ZMYM2: variants seen among roughly 807,000 people sequenced by gnomAD.
ZMYM2 encodes zinc finger MYM-type protein 2.
ZMYM2 carries 56 observed loss-of-function variants against 162.8 expected under a neutral mutation model. That is an observed-to-expected ratio of 0.34 (90% CI 0.28 to 0.43). ZMYM2 has a LOEUF of 0.43. Among genes scored for constraint, ZMYM2 ranks in the 20% least tolerant of loss-of-function variants. ZMYM2 has a pLI of 1.00. For missense variants in ZMYM2, 1,275 were observed against 1,621.8 expected (o/e 0.79, Z 3.67); for synonymous variants, 510 against 541.6 (o/e 0.94, Z 0.81).
At position 20,058,874 on chromosome 13, in the gene ZMYM2, C is replaced by A. The variant is rs148958586; in HGVS notation, c.2623+170C>A. The A allele has an allele frequency of 2.1e-3, 1,806 of 842,032 alleles. 16 individuals are homozygous for A. The highest frequency in any genetic ancestry group is 0.02 in the African/African-American group (1,223 of 60,370). 52.2% of individuals were successfully genotyped at this position (842,032 alleles called of 1,614,324 possible). ...ATATTACCTGGAGAATACAGCATCTCATTTTAAATCATTATGATCAATCTC... is the reference window on the plus strand; with the variant it reads ...ATATTACCTGGAGAATACAGCATCTAATTTTAAATCATTATGATCAATCTC... On this transcript the variant is annotated intron_variant, in intron 15 of 24. Coordinates refer to ENST00000610343, the MANE Select transcript of ZMYM2 (RefSeq NM_197968.4).
At chr13:20,032,937 G>T (rs888889641) in intron 10 of ZMYM2, among the ~76,000 whole-genome samples, 2 of 152,084 alleles carry the variant, frequency 1.3e-5, no homozygotes, top group African/African-American at 4.8e-5. Context: ...AAGTACTTTG[G>T]AAACCTGAAA....
At chr13:19,985,426 A>G (rs944717452) in intron 2 of ZMYM2, among the ~76,000 whole-genome samples, 2 of 152,092 alleles carry the variant, frequency 1.3e-5, no homozygotes, top group Non-Finnish European at 2.9e-5. Context: ...GCCTGGCCCC[A>G]TTCATTGTTT....
chr13:19,968,993 A>G (rs1161322583), intron 2 of ZMYM2, among the ~76,000 whole-genome samples: 1 of 152,222 alleles, frequency 6.6e-6, no homozygotes, highest in African/African-American at 2.4e-5. Context: ...CTTCTTAAAG[A>G]ATATTTTGGT....
chr13:19,975,293 G>A (rs1293708445), intron 2 of ZMYM2, among the ~76,000 whole-genome samples: 1 of 151,456 alleles, frequency 6.6e-6, no homozygotes, highest in African/African-American at 2.4e-5. Flanking sequence ...ATTATCCATT[G>A]CCAGAATGTT....
chr13:19,989,318 T>A (rs1949422210), intron 2 of ZMYM2, among the ~76,000 whole-genome samples: 1 of 152,190 alleles, frequency 6.6e-6, no homozygotes, highest in Non-Finnish European at 1.5e-5. Flanking sequence ...TTTGTTTTCT[T>A]TTTGAGACAG....
rs944458617 is a variant in ZMYM2 at position 20,076,731 on chromosome 13, T to G, written c.3454-5285T>G. Among the ~76,000 whole-genome samples the G allele has an allele frequency of 4.6e-5, 7 of 150,722 alleles. 1 individual carries two copies. Among genetic ancestry groups the G allele is most frequent in the African/African-American group, 1.7e-4 (7 of 40,018 alleles). Reference sequence around the variant, plus strand: ...CACAGTGTGGCTTGTTAATTTAATTTGTATGTAAATGGGTAGTTTTCAAAT... The same window carrying G: ...CACAGTGTGGCTTGTTAATTTAATTGGTATGTAAATGGGTAGTTTTCAAAT... On this transcript the variant is annotated intron_variant, in intron 21 of 24. Transcript: ENST00000610343.
intron 2 of ZMYM2, among the ~76,000 whole-genome samples, chr13:19,974,417 A>C (rs1956601852): frequency 6.7e-6 from 1 of 148,846 alleles, no homozygotes; most frequent in African/African-American, 2.5e-5. Flanking sequence ...AATTTTATCC[A>C]TTGTGTGTTG....
At chr13:19,972,436 A>G (rs1429753889) in intron 2 of ZMYM2, among the ~76,000 whole-genome samples, 2 of 152,180 alleles carry the variant, frequency 1.3e-5, no homozygotes, top group Non-Finnish European at 2.9e-5. Context: ...TGCCTTTTAA[A>G]AACATGTATA....
At chr13:19,874,834 A>G in the ZMYM2 span, among the ~76,000 whole-genome samples, 16 of 152,340 alleles carry the variant, frequency 1.1e-4, no homozygotes, top group Middle Eastern at 3.4e-3. Context: ...AATACTCATC[A>G]TCACTAATAA....
chr13:19,866,680 A>G, the ZMYM2 span, among the ~76,000 whole-genome samples: 53 of 152,246 alleles, frequency 3.5e-4, no homozygotes, highest in African/African-American at 1.3e-3. Context: ...CTAACTAAAT[A>G]AATAGGAAAA....
At position 20,031,552 on chromosome 13, in the gene ZMYM2, T is replaced by G. The variant is rs1594469700; in HGVS notation, c.1968+117T>G. The G allele has an allele frequency of 4.9e-6, 3 of 607,064 alleles. No homozygotes were observed. In the East Asian group the frequency reaches 1.0e-4, roughly 21 times the overall value. The allele number at this position is 607,064 out of a possible 1,614,324, so 37.6% of individuals were successfully genotyped here. On this transcript the variant is annotated intron_variant, in intron 10 of 24. Transcript: ENST00000610343. ...GGTAGATAAAAATATGCTTTTCAGATTTTTTTTTATGATTGGATTATTTAT... is the reference window on the plus strand; with the variant it reads ...GGTAGATAAAAATATGCTTTTCAGAGTTTTTTTTATGATTGGATTATTTAT...
the ZMYM2 span, among the ~76,000 whole-genome samples, chr13:19,929,911 C>T: frequency 6.6e-6 from 1 of 152,174 alleles, no homozygotes; most frequent in Non-Finnish European, 1.5e-5. Flanking sequence ...ACTCAGTCTT[C>T]CTGGCCTCAA....
chr13:20,083,161 C>G (rs1958019826), intron 23 of ZMYM2, 129 bp downstream of exon 23: 2 of 947,198 alleles, frequency 2.1e-6, no homozygotes, highest in African/African-American at 3.3e-5. Flanking sequence ...CTCCTGGGTT[C>G]AAGCAATTCT....
At chr13:20,017,844 T>C (rs1227660713) in intron 6 of ZMYM2, among the ~76,000 whole-genome samples, 1 of 152,262 alleles carries the variant, frequency 6.6e-6, no homozygotes, top group Non-Finnish European at 1.5e-5. Context: ...TTATGATGAC[T>C]GCTTTAAAAT....
chr13:19,864,608 T>G, the ZMYM2 span: 1 of 153,050 alleles, frequency 6.5e-6, no homozygotes. Flanking sequence ...GGGGCGTCCC[T>G]GGGCGCCGCC....
chr13:20,049,676 A>G (rs1224815782), intron 12 of ZMYM2, among the ~76,000 whole-genome samples: 2 of 152,068 alleles, frequency 1.3e-5, no homozygotes, highest in African/African-American at 4.8e-5. Context: ...CATTTTTAAT[A>G]TTTGACCTTA....
intron 21 of ZMYM2, among the ~76,000 whole-genome samples, chr13:20,075,135 A>G (rs1206510098): frequency 6.6e-6 from 1 of 152,214 alleles, no homozygotes; most frequent in Non-Finnish European, 1.5e-5. Context: ...ATATTAGTTC[A>G]AGATGTGTAC....
chr13:19,950,451 A>C, the ZMYM2 span, among the ~76,000 whole-genome samples: 1 of 152,230 alleles, frequency 6.6e-6, no homozygotes, highest in Non-Finnish European at 1.5e-5. Context: ...ATGTAAACAG[A>C]ATGTAACCTA....
the ZMYM2 span, among the ~76,000 whole-genome samples, chr13:19,876,049 G>A: frequency 2.0e-5 from 3 of 148,420 alleles, no homozygotes; most frequent in South Asian, 2.1e-4. Flanking sequence ...TTTTTGAGTC[G>A]GAGTCTTGCT....
Sources: gnomAD v4.1 joint callset for allele counts (sites outside exome capture counted in the v4.1 genomes callset) on GRCh38, gnomAD v4.1.1 for gene constraint, MANE v1.5 for transcripts, NCBI Gene and HGNC (gene_info 2026-07-23, HGNC 2026-07-21) for gene names.